Variants in STPG2 observed in about 807,000 individuals in gnomAD.
STPG2 encodes sperm tail PG-rich repeat containing 2.
A neutral mutation model predicts 54.2 loss-of-function variants in STPG2; 56 were observed. That is an observed-to-expected ratio of 1.03 (90% CI 0.83 to 1.29). STPG2 has a LOEUF of 1.29. Among genes scored for constraint, STPG2 ranks in the 50% most tolerant of loss-of-function variants. The pLI, the probability that STPG2 is intolerant of heterozygous loss-of-function variation, is 0.00. For synonymous variants in STPG2, 200 were observed against 181.8 expected, an observed-to-expected ratio of 1.10 and a Z score of -0.81; for missense variants, 596 against 544.9, an observed-to-expected ratio of 1.09 and a Z score of -0.93.
chr4:97,562,655 T>C (rs1408077843), intron 10 of STPG2, among the ~76,000 whole-genome samples: 6 of 152,064 alleles, frequency 3.9e-5, no homozygotes, highest in Non-Finnish European at 8.8e-5. Context: ...GCATGAAGGG[T>C]TGTTGAATTT....
intron 9 of STPG2, among the ~76,000 whole-genome samples, chr4:97,808,561 G>T (rs1338004714): frequency 2.0e-5 from 3 of 151,380 alleles, no homozygotes; most frequent in African/African-American, 4.8e-5. Flanking sequence ...ATAGAAGATA[G>T]GCAGGTGAGA....
chr4:97,882,976 T>TACACACACACAC (rs34481744), intron 8 of STPG2, among the ~76,000 whole-genome samples: 1 of 146,862 alleles, frequency 6.8e-6, no homozygotes, highest in African/African-American at 2.5e-5. Flanking sequence ...ACATACCACA[T>TACACACACACAC]ACACACACAC....
chr4:97,860,735 ACCT>A (rs1332511371), intron 8 of STPG2, among the ~76,000 whole-genome samples: 3 of 152,030 alleles, frequency 2.0e-5, no homozygotes, highest in Non-Finnish European at 4.4e-5. Flanking sequence ...AGATAGTTTA[ACCT>A]CCTTTTTATC....
At chr4:97,578,597 CTTT>C (rs199861080) in intron 10 of STPG2, among the ~76,000 whole-genome samples, 6 of 138,950 alleles carry the variant, frequency 4.3e-5, no homozygotes, top group African/African-American at 1.3e-4. Flanking sequence ...CAAACCCACA[CTTT>C]TTTTTTTTTT....
At chr4:97,674,468 G>A (rs1019954263) in intron 10 of STPG2, among the ~76,000 whole-genome samples, 2 of 152,144 alleles carry the variant, frequency 1.3e-5, no homozygotes. Context: ...TAAAGCAATG[G>A]TCATGTGGGT....
rs978090695 is a variant in STPG2, at chr4:97,537,968, C to T, written c.462+174731G>A. Among the ~76,000 whole-genome samples the T allele has an allele frequency of 1.9e-4, 29 of 152,284 alleles. 1 individual carries two copies. Among genetic ancestry groups the T allele is most frequent in the African/African-American group, 6.3e-4 (26 of 41,570 alleles). The stretch of plus-strand genomic sequence containing the variant: ...TGGACCTCCAGCAAACTCCAACAGA[C>T]CTGCAGCTGAGGATCCTGACTATTA... On this transcript the variant is annotated intron_variant, in intron 4 of 4. Coordinates refer to the STPG2 transcript ENST00000522676.
At chr4:97,990,715 A>G (rs1342946184) in intron 5 of STPG2, among the ~76,000 whole-genome samples, 1 of 152,190 alleles carries the variant, frequency 6.6e-6, no homozygotes, top group Non-Finnish European at 1.5e-5. Flanking sequence ...ACTGCCGTGG[A>G]AACAAAGCTT....
In STPG2 at chr4:97,797,253, C is replaced by T. The variant is rs1224050486; in HGVS notation, c.1204+43520G>A. On this transcript the variant is annotated intron_variant, in intron 9 of 10. Transcript: ENST00000295268. ...AATAGGAGTGGTGAGAGAGGGCATC[C>T]CTGTCTTGTGCCAGTTTTCAAAGGG... 3.3e-5 allele frequency among the ~76,000 whole-genome samples: 5 copies of T among 152,150 alleles called. No homozygotes were observed. The East Asian group carries it at 9.6e-4, about 29-fold the overall frequency.
intron 5 of STPG2, among the ~76,000 whole-genome samples, chr4:98,081,613 G>GT (rs1738346697): frequency 6.6e-6 from 1 of 152,162 alleles, no homozygotes; most frequent in African/African-American, 2.4e-5. Context: ...TTTATTGAAA[G>GT]TTAAAGACGT....
At chr4:97,953,510 CCCTG>C (rs544224444) in intron 7 of STPG2, among the ~76,000 whole-genome samples, 41 of 152,320 alleles carry the variant, frequency 2.7e-4, no homozygotes, top group South Asian at 1.9e-3. Context: ...CCCACCTTCT[CCCTG>C]CCTGAGTTAA....
At chr4:97,540,220 A>C (rs537656570) in intron 4 of STPG2, among the ~76,000 whole-genome samples, 37 of 152,310 alleles carry the variant, frequency 2.4e-4, no homozygotes, top group Non-Finnish European at 4.6e-4. Flanking sequence ...AAATTGATAG[A>C]TTGCTAGCAA....
In STPG2 at chr4:98,079,913, T is replaced by C. The variant is rs373917685; in HGVS notation, c.612+26040A>G. On this transcript the variant is annotated intron_variant, in intron 5 of 10. Coordinates refer to ENST00000295268, the MANE Select transcript of STPG2 (RefSeq NM_174952.3). ...ATATTCACTTAGAGATACCAATCTATGAAAAATGTATATATCTATTAAAAA... is the reference window on the plus strand; with the variant it reads ...ATATTCACTTAGAGATACCAATCTACGAAAAATGTATATATCTATTAAAAA... Among the ~76,000 whole-genome samples the C allele has an allele frequency of 6.9e-4, 105 of 152,242 alleles. 1 individual carries two copies. The South Asian group carries it at 0.021, about 30-fold the overall frequency.
chr4:97,759,024 GA>G (rs1725812927), intron 9 of STPG2, among the ~76,000 whole-genome samples: 1 of 152,102 alleles, frequency 6.6e-6, no homozygotes, highest in African/African-American at 2.4e-5. Context: ...TGATGAGAAA[GA>G]CAAAATGCAC....
intron 8 of STPG2, among the ~76,000 whole-genome samples, chr4:97,881,557 G>A (rs1730376188): frequency 6.6e-6 from 1 of 152,128 alleles, no homozygotes; most frequent in African/African-American, 2.4e-5. Context: ...AAATGACTTA[G>A]ATGATTCTTT....
intron 9 of STPG2, among the ~76,000 whole-genome samples, chr4:97,780,977 C>T (rs531428638): frequency 3.3e-5 from 5 of 151,914 alleles, no homozygotes; most frequent in East Asian, 1.9e-4. Flanking sequence ...CAAGAGAAAG[C>T]GGCAAAGATC....
chr4:97,787,146 G>A (rs1426252393), intron 9 of STPG2, among the ~76,000 whole-genome samples: 3 of 151,894 alleles, frequency 2.0e-5, no homozygotes, highest in Admixed American at 1.3e-4. Context: ...ATACAAAATC[G>A]TATCATGTGC....
At position 97,943,981 on chromosome 4, in the gene STPG2, T is replaced by C. The variant is rs890106123; in HGVS notation, c.960A>G (p.Gly320=). ...YQEFWHSQGV[G]ISDELPNLTN... is the part of the protein sequence containing the mutation. ...TCAAGTTAGGTAATTCATCAGAAAT[T>C]CCCACACCCTGTGAATGCCAAAATT... is the stretch of plus-strand genomic sequence containing the variant. The change falls in exon 8 of 11, where the codon GGA becomes GGG. Residue 320 remains glycine (G), a synonymous_variant. Coordinates refer to ENST00000295268, the MANE Select transcript of STPG2 (RefSeq NM_174952.3). 3.1e-6 allele frequency: 5 copies of C among 1,608,080 alleles called. No homozygotes were observed. The highest frequency in any genetic ancestry group is 4.2e-6 in the Non-Finnish European group (5 of 1,178,044).
At chr4:98,055,809 C>G (rs538694324) in intron 5 of STPG2, among the ~76,000 whole-genome samples, 88 of 152,312 alleles carry the variant, frequency 5.8e-4, no homozygotes, top group Middle Eastern at 3.4e-3. Flanking sequence ...CTGACCTGAG[C>G]AACCCTTGGT....
intron 10 of STPG2, among the ~76,000 whole-genome samples, chr4:97,655,578 A>C (rs889116657): frequency 2.6e-5 from 4 of 152,068 alleles, no homozygotes; most frequent in Non-Finnish European, 5.9e-5. Context: ...AAACATTTCC[A>C]CTGTTTATCG....
Sources: allele counts gnomAD v4.1 joint callset (sites outside exome capture counted in the v4.1 genomes callset), GRCh38; gene constraint gnomAD v4.1.1; transcripts MANE v1.5; gene names NCBI Gene and HGNC (gene_info 2026-07-23, HGNC 2026-07-21).